EXOC2: variants seen among roughly 807,000 people sequenced by gnomAD.
EXOC2 encodes exocyst complex component 2, also known as SEC5-like 1.
A neutral mutation model predicts 131.8 loss-of-function variants in EXOC2; 70 were observed. That is an observed-to-expected ratio of 0.53 (90% CI 0.44 to 0.65). The LOEUF (loss-of-function observed/expected upper bound fraction) is 0.65, where lower values mean the gene tolerates loss of function less well. EXOC2 is among the 30% of genes least tolerant of loss of function. EXOC2 has a pLI of 0.00. For missense variants in EXOC2, 923 were observed against 1,108.6 expected, an observed-to-expected ratio of 0.83 and a Z score of 2.38; for synonymous variants, 411 against 398.4, an observed-to-expected ratio of 1.03 and a Z score of -0.38.
At chr6:624,056 G>A (rs1312856523) in intron 4 of EXOC2, among the ~76,000 whole-genome samples, 3 of 152,154 alleles carry the variant, frequency 2.0e-5, no homozygotes, top group Non-Finnish European at 4.4e-5. Context: ...AATCTTAATT[G>A]CAGGTGAAGG....
chr6:532,366 C>T (rs1234069282), intron 23 of EXOC2, 103 bp downstream of exon 23: 1 of 1,205,798 alleles, frequency 8.3e-7, no homozygotes, highest in South Asian at 2.4e-5. Flanking sequence ...CTCTCACTCT[C>T]AGTAGATATG....
At position 677,000 on chromosome 6, in the gene EXOC2, G is replaced by A. The variant is rs538796052; in HGVS notation, c.-44+16019C>T. On this transcript the variant is annotated intron_variant, in intron 1 of 27. Coordinates refer to ENST00000230449, the MANE Select transcript of EXOC2 (RefSeq NM_018303.6). Reference sequence around the variant, plus strand: ...ATTACGGAAAGGACAGCTTTCTCTGGAGACTGCGGTTCCCCATACTCTTCA... The same window carrying A: ...ATTACGGAAAGGACAGCTTTCTCTGAAGACTGCGGTTCCCCATACTCTTCA... Among the ~76,000 whole-genome samples, 142 of 71,026 alleles carry A rather than the reference G, an allele frequency of 2.0e-3. 5 individuals carry two copies. Among genetic ancestry groups the A allele is most frequent in the African/African-American group, 4.9e-3 (131 of 26,592 alleles). The allele number at this position is 71,026 out of a possible 152,430, so 46.6% of individuals were successfully genotyped here.
intron 12 of EXOC2, among the ~76,000 whole-genome samples, 164 bp from the exon 13 acceptor site, chr6:572,808 CG>C (rs774702469): frequency 2.0e-5 from 3 of 152,230 alleles, no homozygotes; most frequent in Non-Finnish European, 4.4e-5. Flanking sequence ...ACACCGGCAG[CG>C]GTACGCTCGT....
chr6:664,447 T>A (rs1043268937), intron 1 of EXOC2, among the ~76,000 whole-genome samples: 1 of 152,106 alleles, frequency 6.6e-6, no homozygotes, highest in Admixed American at 6.5e-5. Flanking sequence ...ATTCTAAAAT[T>A]CATATGAAAC....
intron 23 of EXOC2, among the ~76,000 whole-genome samples, chr6:521,954 A>G (rs954171911): frequency 6.6e-6 from 1 of 152,220 alleles, no homozygotes; most frequent in African/African-American, 2.4e-5. Context: ...TCTGTTGAAA[A>G]TAACTATTAA....
At position 525,959 on chromosome 6, in the gene EXOC2, TTATC is replaced by T. The variant is rs376649630; in HGVS notation, c.2380+6506_2380+6509del. Among the ~76,000 whole-genome samples the T allele has an allele frequency of 5.1e-3, 771 of 152,374 alleles. 7 individuals carry two copies. Among genetic ancestry groups the T allele is most frequent in the African/African-American group, 0.018 (729 of 41,594 alleles). ...AATATTTGTTTAGATATATAACAAA[TTATC>T]TAACCAATTCACTACTGATGGGCAT... is the stretch of plus-strand genomic sequence containing the variant. On this transcript the variant is annotated intron_variant, in intron 23 of 27. Transcript: ENST00000230449.
chr6:531,923 G>A (rs1274438892), intron 23 of EXOC2, among the ~76,000 whole-genome samples: 1 of 152,220 alleles, frequency 6.6e-6, no homozygotes, highest in Non-Finnish European at 1.5e-5. Context: ...ATATTTTGAA[G>A]TGATTCAAGT....
intron 1 of EXOC2, among the ~76,000 whole-genome samples, chr6:673,428 G>GTA (rs1763967998): frequency 6.6e-6 from 1 of 152,080 alleles, no homozygotes; most frequent in Non-Finnish European, 1.5e-5. Flanking sequence ...CTGCAGCAGT[G>GTA]TATAGTCATA....
chr6:622,135 C>T (rs779520423), intron 4 of EXOC2, among the ~76,000 whole-genome samples: 1 of 152,216 alleles, frequency 6.6e-6, no homozygotes, highest in Non-Finnish European at 1.5e-5. Context: ...GGCGTGTCAT[C>T]GCGGGCAGAA....
chr6:624,460 T>C (rs1312162487), intron 4 of EXOC2, among the ~76,000 whole-genome samples: 1 of 152,256 alleles, frequency 6.6e-6, no homozygotes, highest in African/African-American at 2.4e-5. Context: ...TCAAAAATGT[T>C]ATTTGCTATT....
chr6:622,846 A>G (rs1052730809), intron 4 of EXOC2, among the ~76,000 whole-genome samples: 1 of 152,210 alleles, frequency 6.6e-6, no homozygotes, highest in Non-Finnish European at 1.5e-5. Flanking sequence ...AATTCCCCTG[A>G]TACTTAAACT....
intron 1 of EXOC2, among the ~76,000 whole-genome samples, chr6:673,479 T>C (rs968154578): frequency 6.6e-6 from 1 of 152,136 alleles, no homozygotes; most frequent in African/African-American, 2.4e-5. Context: ...ATTTTTAAAC[T>C]ATCTGGAAAC....
At chr6:490,433 C>T (rs937616606) in intron 26 of EXOC2, among the ~76,000 whole-genome samples, 7 of 152,114 alleles carry the variant, frequency 4.6e-5, no homozygotes, top group South Asian at 2.1e-4. Flanking sequence ...GAGCTGTGAC[C>T]GACGGGAATG....
At chr6:639,759 C>T (rs1762271908) in intron 1 of EXOC2, among the ~76,000 whole-genome samples, 1 of 152,218 alleles carries the variant, frequency 6.6e-6, no homozygotes, top group Non-Finnish European at 1.5e-5. Flanking sequence ...GGGAGGCGTA[C>T]AGGCCATGAG....
intron 1 of EXOC2, chr6:669,638 G>C (rs574464828): frequency 2.4e-4 from 36 of 152,484 alleles, no homozygotes; most frequent in African/African-American, 8.7e-4. Flanking sequence ...TCGCTGCTTT[G>C]GGCTGGCAGA....
chr6:577,171 T>C (rs1160954599), intron 11 of EXOC2, among the ~76,000 whole-genome samples: 4 of 152,120 alleles, frequency 2.6e-5, no homozygotes, highest in Non-Finnish European at 5.9e-5. Context: ...GATAATGGAG[T>C]TCAGAATCTT....
intron 25 of EXOC2, among the ~76,000 whole-genome samples, chr6:491,859 C>T (rs1204317565): frequency 6.6e-6 from 1 of 152,224 alleles, no homozygotes; most frequent in Non-Finnish European, 1.5e-5. Flanking sequence ...TGTATACCCT[C>T]ATATTTATGA....
chr6:673,663 A>G (rs1056404177), intron 1 of EXOC2, among the ~76,000 whole-genome samples: 1 of 152,230 alleles, frequency 6.6e-6, no homozygotes, highest in African/African-American at 2.4e-5. Flanking sequence ...GGAAACCTCC[A>G]AACAAAGCAG....
At chr6:495,094 GCCCAGGCTCCTCTCGAA>G (rs372179527) in intron 25 of EXOC2, among the ~76,000 whole-genome samples, 1,918 of 146,456 alleles carry the variant, frequency 0.013, 45 homozygotes, top group African/African-American at 0.046. Flanking sequence ...TTACTATGTT[GCCCAGGCTCCTCTCGAA>G]CCCATGGTGA....
Sources: gnomAD v4.1 joint callset for allele counts (sites outside exome capture counted in the v4.1 genomes callset) on GRCh38, gnomAD v4.1.1 for gene constraint, MANE v1.5 for transcripts, NCBI Gene and HGNC (gene_info 2026-07-23, HGNC 2026-07-21) for gene names.